The following HIPK2 variants were observed in gnomAD, a reference collection of about 807,000 sequenced individuals.
HIPK2 encodes the protein homeodomain interacting protein kinase 2.
HIPK2 carries 27 observed loss-of-function variants against 113.7 expected under a neutral mutation model. That is an observed-to-expected ratio of 0.24 (90% confidence interval 0.17 to 0.33). The LOEUF is 0.33. Among genes scored for constraint, HIPK2 ranks in the 10% least tolerant of loss-of-function variants. The probability of loss-of-function intolerance (pLI) is 1.00; values close to 1 mark genes in which losing one functional copy is unlikely to be tolerated. For missense variants in HIPK2, 1,257 were observed against 1,588.0 expected (o/e 0.79, Z 3.54); for synonymous variants, 631 against 642.2 (o/e 0.98, Z 0.26).
chr7:139,644,563 T>C (rs886717482), intron 2 of HIPK2, among the ~76,000 whole-genome samples: 1 of 152,254 alleles, frequency 6.6e-6, no homozygotes. Context: ...CATTCTTTTA[T>C]GATGGTCCTC....
At chr7:139,717,060 G>GT (rs770354983) in intron 1 of HIPK2, 45 bp from the exon 2 acceptor site, 1 of 1,564,176 alleles carries the variant, frequency 6.4e-7, no homozygotes, top group Non-Finnish European at 8.7e-7. Context: ...AGTCACCTTG[G>GT]TACAAGTAAA....
At position 139,755,371 on chromosome 7, in the gene HIPK2, CCAGT is replaced by C. The variant is rs951318353; in HGVS notation, c.19+22230_19+22233del. 6.1e-4 allele frequency among the ~76,000 whole-genome samples: 93 copies of C among 152,306 alleles called. 1 individual carries two copies. Among genetic ancestry groups the C allele is most frequent in the African/African-American group, 2.1e-3 (88 of 41,548 alleles). On this transcript the variant is annotated intron_variant, in intron 1 of 14. Coordinates refer to ENST00000406875, the MANE Select transcript of HIPK2 (RefSeq NM_022740.5). ...TGATGACCTCAGAACTTCTTGTTAACCAGTCAGTCAGTTTTCCCTTTTGTTTATA... is the reference window on the plus strand; with the variant it reads ...TGATGACCTCAGAACTTCTTGTTAACCAGTCAGTTTTCCCTTTTGTTTATA...
intron 1 of HIPK2, among the ~76,000 whole-genome samples, chr7:139,722,338 T>C (rs186709983): frequency 1.6e-4 from 25 of 152,340 alleles, no homozygotes; most frequent in Middle Eastern, 3.4e-3. Flanking sequence ...ACAAAGTCTC[T>C]CATGCCGAAA....
intron 10 of HIPK2, among the ~76,000 whole-genome samples, chr7:139,601,685 A>G (rs1403839261): frequency 6.6e-6 from 1 of 152,224 alleles, no homozygotes; most frequent in Non-Finnish European, 1.5e-5. Context: ...TTTGGGTTGT[A>G]TGAAGCTTAA....
chr7:139,729,094 T>C (rs747624386), intron 1 of HIPK2, among the ~76,000 whole-genome samples: 13 of 152,102 alleles, frequency 8.5e-5, no homozygotes, highest in Non-Finnish European at 1.5e-4. Flanking sequence ...GAGGCCGCGA[T>C]GGGTGGACTG....
At chr7:139,666,034 A>G (rs957319730) in intron 2 of HIPK2, among the ~76,000 whole-genome samples, 4 of 151,208 alleles carry the variant, frequency 2.6e-5, no homozygotes, top group Non-Finnish European at 5.9e-5. Flanking sequence ...GCCGATAGAC[A>G]GTGACTATTG....
chr7:139,590,901 G>C (rs55783681), intron 12 of HIPK2, among the ~76,000 whole-genome samples: 1 of 152,112 alleles, frequency 6.6e-6, no homozygotes, highest in Non-Finnish European at 1.5e-5. Flanking sequence ...CTGCAGTATC[G>C]TGTTATGAGC....
rs543886217 is a variant in HIPK2 at position 139,627,525 on chromosome 7, G to C, written c.1435-740C>G. 2.2e-3 allele frequency among the ~76,000 whole-genome samples: 328 copies of C among 152,238 alleles called. 2 individuals are homozygous for C. Among genetic ancestry groups the C allele is most frequent in the African/African-American group, 7.7e-3 (318 of 41,564 alleles). ...CACAGGATTTTTCTTCCAAGGGTGAGTCTATACTAGGATCGACTTTAAAAG... is the reference window on the plus strand; with the variant it reads ...CACAGGATTTTTCTTCCAAGGGTGACTCTATACTAGGATCGACTTTAAAAG... On this transcript the variant is annotated intron_variant, in intron 5 of 14. Coordinates refer to ENST00000406875, the MANE Select transcript of HIPK2 (RefSeq NM_022740.5).
intron 2 of HIPK2, among the ~76,000 whole-genome samples, chr7:139,689,994 G>A (rs1794349679): frequency 6.6e-6 from 1 of 150,960 alleles, no homozygotes; most frequent in African/African-American, 2.4e-5. Flanking sequence ...GCACCTCGGT[G>A]TGCACAGGGG....
At chr7:139,755,480 AAAC>A (rs1240407794) in intron 1 of HIPK2, among the ~76,000 whole-genome samples, 3 of 152,240 alleles carry the variant, frequency 2.0e-5, no homozygotes, top group East Asian at 1.9e-4. Context: ...ATGAAACAAA[AAAC>A]AATTTGTTTT....
intron 1 of HIPK2, among the ~76,000 whole-genome samples, chr7:139,730,343 T>C (rs1454401484): frequency 1.3e-5 from 2 of 152,110 alleles, no homozygotes; most frequent in East Asian, 1.9e-4. Flanking sequence ...CTTGTTACCA[T>C]GTCACTGCAA....
intron 1 of HIPK2, among the ~76,000 whole-genome samples, chr7:139,742,231 C>T (rs959435352): frequency 2.4e-4 from 36 of 152,314 alleles, no homozygotes; most frequent in African/African-American, 8.7e-4. Context: ...GAGCAAGTCA[C>T]TTAATATTTC....
At chr7:139,770,395 A>G (rs1796628915) in intron 1 of HIPK2, among the ~76,000 whole-genome samples, 2 of 152,214 alleles carry the variant, frequency 1.3e-5, no homozygotes, top group East Asian at 1.9e-4. Context: ...CTATGAAACT[A>G]TAAGTTCTAT....
At position 139,620,569 on chromosome 7, in the gene HIPK2, C is replaced by T. The variant is rs1253919966; in HGVS notation, c.1620-6G>A. 6 of 1,613,654 alleles carry T rather than the reference C, an allele frequency of 3.7e-6. No individual in the cohort carries two copies. In the African/African-American group the frequency reaches 6.7e-5, roughly 18 times the overall value. On this transcript the variant is annotated splice_region_variant and splice_polypyrimidine_tract_variant and intron_variant, in intron 6 of 14. Transcript: ENST00000406875. ...TCTGGAAACATGATTTGACGCTGTT[C>T]ATGCAAAAGGCAGAGGCATATTGAG...
chr7:139,574,267 C>G (rs976965599), intron 14 of HIPK2, among the ~76,000 whole-genome samples: 1 of 152,002 alleles, frequency 6.6e-6, no homozygotes, highest in Admixed American at 6.5e-5. Context: ...CTCAGCTACT[C>G]GGGAGGCTAA....
chr7:139,656,127 C>T (rs1369883845), intron 2 of HIPK2, among the ~76,000 whole-genome samples: 2 of 151,414 alleles, frequency 1.3e-5, no homozygotes, highest in Non-Finnish European at 2.9e-5. Context: ...CTCCCTCACT[C>T]TGTACCCTGG....
intron 1 of HIPK2, among the ~76,000 whole-genome samples, chr7:139,762,473 C>A (rs1278267044): frequency 6.6e-6 from 1 of 152,300 alleles, no homozygotes; most frequent in Non-Finnish European, 1.5e-5. Context: ...GAATGCAGCA[C>A]TCAAGTCCCA....
At chr7:139,719,471 A>T (rs1164802306) in intron 1 of HIPK2, among the ~76,000 whole-genome samples, 1 of 152,114 alleles carries the variant, frequency 6.6e-6, no homozygotes, top group East Asian at 1.9e-4. Flanking sequence ...GCTATCATCC[A>T]TTCAAGCAGT....
chr7:139,773,676 TA>T (rs1345529816), intron 1 of HIPK2, among the ~76,000 whole-genome samples: 1 of 152,202 alleles, frequency 6.6e-6, no homozygotes, highest in Non-Finnish European at 1.5e-5. Context: ...TGAGCCCCTG[TA>T]ACTTACAGAA....
Sources: allele counts gnomAD v4.1 joint callset (sites outside exome capture counted in the v4.1 genomes callset), GRCh38; gene constraint gnomAD v4.1.1; transcripts MANE v1.5; gene names NCBI Gene and HGNC (gene_info 2026-07-23, HGNC 2026-07-21).